Variants in CEACAM21 observed in about 807,000 individuals in gnomAD.
The protein encoded by CEACAM21 is cell adhesion molecule CEACAM21.
CEACAM21 carries 38 observed loss-of-function variants against 33.2 expected under a neutral mutation model. The observed-to-expected ratio is 1.14, with a 90% CI of 0.88 to 1.50. CEACAM21 has a LOEUF of 1.50. Among genes scored for constraint, CEACAM21 ranks in the 40% most tolerant of loss-of-function variants. The probability of loss-of-function intolerance (pLI) is 0.00; values close to 1 mark genes in which losing one functional copy is unlikely to be tolerated. For missense variants in CEACAM21, 385 were observed against 364.6 expected (o/e 1.06, Z -0.46); for synonymous variants, 156 against 143.0 (o/e 1.09, Z -0.65).
chr19:41,557,424 A>C (rs2041602481), intron 1 of CEACAM21, among the ~76,000 whole-genome samples: 1 of 152,150 alleles, frequency 6.6e-6, no homozygotes, highest in African/African-American at 2.4e-5. Context: ...TTGGAGATTC[A>C]GGAGGTATTA....
In CEACAM21 at chr19:41,582,545, A is replaced by G. The variant is rs540929984; in HGVS notation, c.701-1802A>G. ...CAGCAAACTTCCACCTGGACATCCA[A>G]GCATTTTCATACATCCTCTGAAATC... On this transcript the variant is annotated intron_variant, in intron 3 of 6. Coordinates refer to ENST00000401445, the MANE Select transcript of CEACAM21 (RefSeq NM_001098506.4). Among the ~76,000 whole-genome samples, 500 of 152,364 alleles carry G rather than the reference A, an allele frequency of 3.3e-3. 3 individuals carry two copies. Among genetic ancestry groups the G allele is most frequent in the African/African-American group, 0.012 (484 of 41,584 alleles).
At position 41,577,363 on chromosome 19, in the gene CEACAM21, C is replaced by A. The variant is rs2043026490; in HGVS notation, c.228C>A (p.Asn76Lys). 1 of 1,613,708 alleles carries A rather than the reference C, an allele frequency of 6.2e-7. No homozygotes were observed. Among genetic ancestry groups the A allele is most frequent in the Non-Finnish European group, 8.5e-7 (1 of 1,180,008 alleles). ...ACAAAGGGAAAACGGTGGAGCCCAA[C>A]CAGCTAATCGCAGCATATGTAATAG... is the stretch of plus-strand genomic sequence containing the variant. ...GWYKGKTVEP[N>K]QLIAAYVIDT... is the part of the protein sequence containing the mutation. Residue 76 changes from asparagine (N) to lysine (K), a missense_variant, in exon 2 of 7, where the codon AAC (asparagine) becomes AAA (lysine). Transcript: ENST00000401445.
intron 1 of CEACAM21, among the ~76,000 whole-genome samples, chr19:41,560,047 A>G (rs1490708923): frequency 1.3e-5 from 2 of 152,182 alleles, no homozygotes; most frequent in Non-Finnish European, 2.9e-5. Context: ...ATCAACCAAT[A>G]ATGAAACTGA....
At position 41,585,826 on chromosome 19, in the gene CEACAM21, GTC is replaced by G; in HGVS notation, c.851-10_851-9del. ...TCCTAACACTCTCGTGCTCACTTTT[GTC>G]TCTGTCCCCAGGCCATGGACCCTCT... On this transcript the variant is annotated splice_polypyrimidine_tract_variant and intron_variant, in intron 5 of 6. Transcript: ENST00000401445. The G allele has an allele frequency of 1.2e-6, 2 of 1,611,812 alleles. No individual in the cohort carries two copies. The highest frequency in any genetic ancestry group is 1.1e-5 in the South Asian group (1 of 90,386).
chr19:41,551,811 A>G (rs2041225734), intron 1 of CEACAM21: 1 of 150,588 alleles, frequency 6.6e-6, no homozygotes, highest in Admixed American at 6.6e-5. Context: ...TTCCCTGAGT[A>G]CCTAGAACCC....
intron 2 of CEACAM21, among the ~76,000 whole-genome samples, chr19:41,578,494 G>T (rs2122238408): frequency 6.6e-6 from 1 of 152,218 alleles, no homozygotes; most frequent in African/African-American, 2.4e-5. Flanking sequence ...GGCTGTCAGT[G>T]CTCAACGTCA....
At position 41,585,866 on chromosome 19, in the gene CEACAM21, T is replaced by C. The variant is rs2122313982; in HGVS notation, c.877T>C (p.Ser293Pro). Residue 293 changes from serine (S) to proline (P), a missense_variant, in exon 6 of 7, where the codon TCC (serine) becomes CCC (proline). By Grantham distance (74) the Ser-to-Pro change is moderately conservative. Transcript: ENST00000401445. ...PGHGPSDSSI[S>P] ...CCATGGACCCTCTGACAGCTCCATC[T>C]CCTAGGTAAGACTGTCCGTTCCCAA... 1 of 1,613,052 alleles carries C rather than the reference T, an allele frequency of 6.2e-7. No homozygotes were observed. The highest frequency in any genetic ancestry group is 1.1e-5 in the South Asian group (1 of 90,744).
At chr19:41,586,363 C>T (rs2070735685) in intron 6 of CEACAM21, 101 bp from the exon 7 acceptor site, 1 of 610,856 alleles carries the variant, frequency 1.6e-6, no homozygotes, top group Non-Finnish European at 3.1e-6. Context: ...TGAGCACAGC[C>T]AGGTTCAGTC....
chr19:41,571,588 A>T (rs1039644215), upstream of CEACAM21, among the ~76,000 whole-genome samples: 10 of 152,236 alleles, frequency 6.6e-5, no homozygotes, highest in African/African-American at 2.4e-4. Context: ...ATTAGGAAGG[A>T]ATGTCTTATT....
At chr19:41,552,702 C>T (rs990352832) in intron 1 of CEACAM21, among the ~76,000 whole-genome samples, 2 of 152,156 alleles carry the variant, frequency 1.3e-5, no homozygotes, top group Non-Finnish European at 2.9e-5. Flanking sequence ...AGGGGGTCAT[C>T]GTTATGGGGC....
At chr19:41,582,825 G>A (rs1435517278) in intron 3 of CEACAM21, among the ~76,000 whole-genome samples, 1 of 152,202 alleles carries the variant, frequency 6.6e-6, no homozygotes, top group Non-Finnish European at 1.5e-5. Context: ...GATGGAAGGG[G>A]CTTCCAGGAA....
chr19:41,574,727 G>A (rs1314983159), upstream of CEACAM21, among the ~76,000 whole-genome samples: 3 of 152,086 alleles, frequency 2.0e-5, no homozygotes, highest in Non-Finnish European at 4.4e-5. Flanking sequence ...TGGAACCCTC[G>A]TATATTGCTG....
intron 1 of CEACAM21, among the ~76,000 whole-genome samples, chr19:41,563,854 C>CT (rs1267853871): frequency 2.0e-5 from 3 of 152,218 alleles, no homozygotes; most frequent in African/African-American, 7.2e-5. Context: ...GGTGGACTCT[C>CT]TATCCCAGGC....
Position 41,578,213 on chromosome 19 carries a change from C to T in CEACAM21, c.424+654C>T, listed in dbSNP as rs564418132. Among the ~76,000 whole-genome samples, 10 of 152,024 alleles carry T rather than the reference C, an allele frequency of 6.6e-5. No individual in the cohort carries two copies. The South Asian group carries it at 8.3e-4, about 13-fold the overall frequency. Reference sequence around the variant, plus strand: ...TGGATGGGAAACTTAAAAGATGTCCCGGGAAGTGCACTGTCCTCAGGAGGA... The same window carrying T: ...TGGATGGGAAACTTAAAAGATGTCCTGGGAAGTGCACTGTCCTCAGGAGGA... On this transcript the variant is annotated intron_variant, in intron 2 of 6. Transcript: ENST00000401445.
At chr19:41,586,439 C>T (rs781879399) in intron 6 of CEACAM21, 25 bp from the exon 7 acceptor site, 1 of 635,060 alleles carries the variant, frequency 1.6e-6, no homozygotes, top group South Asian at 1.4e-5. Context: ...CCTCAGGGGT[C>T]AAGACCTCTT....
chr19:41,585,798 C>T, intron 5 of CEACAM21, 42 bp from the exon 6 acceptor site: 1 of 1,601,668 alleles, frequency 6.2e-7, no homozygotes, highest in African/African-American at 1.3e-5. Context: ...AGGGGCCCAG[C>T]TATCCTAACA....
At chr19:41,573,230 C>T (rs376870341), upstream of CEACAM21, among the ~76,000 whole-genome samples, 26 of 152,350 alleles carry the variant, frequency 1.7e-4, 1 homozygote, top group African/African-American at 6.3e-4. Flanking sequence ...TAACCCCTCC[C>T]TGCTGCAGGA....
intron 2 of CEACAM21, chr19:41,579,141 T>G: frequency 1.4e-6 from 1 of 707,670 alleles, no homozygotes; most frequent in Non-Finnish European, 2.3e-6. Context: ...CTGGTCCTGG[T>G]CTGAGGCAGC....
chr19:41,573,705 G>A (rs2042753469), upstream of CEACAM21, among the ~76,000 whole-genome samples: 3 of 152,128 alleles, frequency 2.0e-5, no homozygotes, highest in Admixed American at 2.0e-4. Context: ...CACTTCCAGG[G>A]TCTCTCAATT....
Sources: allele counts gnomAD v4.1 joint callset (sites outside exome capture counted in the v4.1 genomes callset), GRCh38; gene constraint gnomAD v4.1.1; transcripts MANE v1.5; gene names NCBI Gene and HGNC (gene_info 2026-07-23, HGNC 2026-07-21).